Variants in PRKCH observed in about 807,000 individuals in gnomAD.
The protein encoded by PRKCH is protein kinase C eta type.
Under a neutral mutation model 82.5 loss-of-function variants are expected in PRKCH, and 28 were observed. The observed-to-expected ratio is 0.34, with a 90% CI of 0.25 to 0.47. The LOEUF is 0.47. PRKCH is among the 20% of genes least tolerant of loss of function. PRKCH has a pLI of 1.00. For missense variants in PRKCH, 705 were observed against 881.8 expected (o/e 0.80, Z 2.54); for synonymous variants, 322 against 327.4 (o/e 0.98, Z 0.18).
intron 13 of PRKCH, among the ~76,000 whole-genome samples, chr14:61,548,875 A>AG (rs928237908): frequency 1.3e-5 from 2 of 151,944 alleles, no homozygotes; most frequent in African/African-American, 4.8e-5. Context: ...AAAAAAAAAA[A>AG]AAAAGTGATA....
intron 1 of PRKCH, among the ~76,000 whole-genome samples, chr14:61,324,095 C>T (rs993123456): frequency 6.6e-6 from 1 of 152,140 alleles, no homozygotes; most frequent in Admixed American, 6.5e-5. Flanking sequence ...CTGTGGGACC[C>T]CATCATCCGT....
At chr14:61,318,230 G>A (rs1017049981), upstream of PRKCH, among the ~76,000 whole-genome samples, 5 of 151,718 alleles carry the variant, frequency 3.3e-5, no homozygotes, top group African/African-American at 7.3e-5. Flanking sequence ...CTGCCACCAC[G>A]CCTGGCTAAT....
chr14:61,529,709 A>ATCACATG (rs2140006712), intron 11 of PRKCH, among the ~76,000 whole-genome samples: 1 of 126,146 alleles, frequency 7.9e-6, no homozygotes, highest in African/African-American at 3.0e-5. Context: ...GAACGATGAG[A>ATCACATG]TCACATGGAC....
chr14:61,207,866 C>T (rs1566780601), intron 1 of PRKCH, among the ~76,000 whole-genome samples: 1 of 152,218 alleles, frequency 6.6e-6, no homozygotes, highest in Admixed American at 6.5e-5. Flanking sequence ...GCTCTTCTCA[C>T]TCATGTTTCT....
At chr14:61,439,771 G>C (rs1883868457) in intron 2 of PRKCH, among the ~76,000 whole-genome samples, 1 of 152,182 alleles carries the variant, frequency 6.6e-6, no homozygotes, top group African/African-American at 2.4e-5. Flanking sequence ...GAAGGAAAGA[G>C]GGAAGGGCCG....
At chr14:61,364,222 C>T (rs1804404088) in intron 1 of PRKCH, among the ~76,000 whole-genome samples, 1 of 151,386 alleles carries the variant, frequency 6.6e-6, no homozygotes. Context: ...CCCAAGTCAC[C>T]CTTAGTATTT....
At chr14:61,515,267 T>C (rs915625101) in intron 10 of PRKCH, among the ~76,000 whole-genome samples, 1 of 152,200 alleles carries the variant, frequency 6.6e-6, no homozygotes, top group Non-Finnish European at 1.5e-5. Context: ...TTTTGTGTTT[T>C]ATTTCTGGAG....
chr14:61,249,975 C>T (rs1461228591), intron 1 of PRKCH, among the ~76,000 whole-genome samples: 2 of 151,336 alleles, frequency 1.3e-5, no homozygotes, highest in African/African-American at 4.8e-5. Context: ...AAAAAATCTG[C>T]ATGGCTGGGC....
intron 2 of PRKCH, among the ~76,000 whole-genome samples, chr14:61,393,558 A>C (rs1165412016): frequency 6.6e-6 from 1 of 152,214 alleles, no homozygotes; most frequent in African/African-American, 2.4e-5. Flanking sequence ...GAAACAGCTG[A>C]AATCTCAGTT....
At chr14:61,362,824 G>A (rs2046247508) in intron 1 of PRKCH, among the ~76,000 whole-genome samples, 3 of 152,222 alleles carry the variant, frequency 2.0e-5, no homozygotes, top group Admixed American at 2.0e-4. Context: ...GATGGCATCT[G>A]TCTTGGAGAT....
Position 61,549,545 on chromosome 14 carries a change from A to T in PRKCH, c.1906-140A>T, listed in dbSNP as rs1032262216. 169 of 970,920 alleles carry T rather than the reference A, an allele frequency of 1.7e-4. 1 individual carries two copies. In the East Asian group the frequency reaches 4.1e-3, roughly 23 times the overall value. The allele number at this position is 970,920 out of a possible 1,614,324, so 60.1% of individuals were successfully genotyped here. On this transcript the variant is annotated intron_variant, in intron 13 of 13. Coordinates refer to ENST00000332981, the MANE Select transcript of PRKCH (RefSeq NM_006255.5). ...ACTTGCTGTAAAGCACAGTTTCATC[A>T]TAACAATAACTGTAAATAATGCTAC... is the stretch of plus-strand genomic sequence containing the variant.
chr14:61,329,301 A>G (rs1210189683), intron 1 of PRKCH, among the ~76,000 whole-genome samples: 3 of 122,598 alleles, frequency 2.4e-5, no homozygotes, highest in Non-Finnish European at 4.8e-5. Context: ...CAGTGGCACG[A>G]TCTCGGCTCA....
intron 1 of PRKCH, among the ~76,000 whole-genome samples, chr14:61,219,489 C>T (rs367925766): frequency 3.9e-5 from 6 of 152,240 alleles, no homozygotes; most frequent in African/African-American, 1.4e-4. Context: ...CTCTTTAATA[C>T]CAGTTTTCTG....
intron 10 of PRKCH, among the ~76,000 whole-genome samples, chr14:61,513,456 A>G (rs1253772169): frequency 6.6e-6 from 1 of 152,146 alleles, no homozygotes; most frequent in Non-Finnish European, 1.5e-5. Flanking sequence ...CTAGGAAGGG[A>G]TGCAGAGGCT....
intron 2 of PRKCH, among the ~76,000 whole-genome samples, chr14:61,428,185 G>C (rs190128807): frequency 3.6e-4 from 55 of 151,400 alleles, no homozygotes; most frequent in African/African-American, 1.3e-3. Context: ...TTTTTGTAGA[G>C]ACAGGGTTTC....
chr14:61,293,104 C>T (rs2045377873), intron 1 of PRKCH, among the ~76,000 whole-genome samples: 2 of 152,146 alleles, frequency 1.3e-5, no homozygotes, highest in Non-Finnish European at 1.5e-5. Context: ...AAAACATAAG[C>T]TCATCTTCAT....
At chr14:61,540,684 C>G (rs79018460) in intron 12 of PRKCH, among the ~76,000 whole-genome samples, 85 of 152,278 alleles carry the variant, frequency 5.6e-4, no homozygotes, top group Middle Eastern at 6.8e-3. Flanking sequence ...TTGTATCAAA[C>G]GGTATCATTC....
At chr14:61,548,438 C>T (rs1158323958) in intron 13 of PRKCH, among the ~76,000 whole-genome samples, 1 of 152,240 alleles carries the variant, frequency 6.6e-6, no homozygotes, top group East Asian at 1.9e-4. Flanking sequence ...TCTCCAAGCT[C>T]TGCAGCTGAG....
At chr14:61,277,122 G>A (rs2045211033) in intron 1 of PRKCH, among the ~76,000 whole-genome samples, 1 of 152,138 alleles carries the variant, frequency 6.6e-6, no homozygotes, top group Non-Finnish European at 1.5e-5. Context: ...GGAAGCGGAG[G>A]TTGCAGTGAG....
Sources: allele counts gnomAD v4.1 joint callset (sites outside exome capture counted in the v4.1 genomes callset), GRCh38; gene constraint gnomAD v4.1.1; transcripts MANE v1.5; gene names NCBI Gene and HGNC (gene_info 2026-07-23, HGNC 2026-07-21).